Variants in LOXL3 observed in about 807,000 individuals in gnomAD.
LOXL3 encodes lysyl oxidase like 3.
A neutral mutation model predicts 91.8 loss-of-function variants in LOXL3; 60 were observed. The ratio of observed to expected loss-of-function variants is 0.65; its 90% CI spans 0.53 to 0.81. LOXL3 has a LOEUF of 0.81. Ranked by LOEUF, LOXL3 falls within the 30% of genes least tolerant of loss-of-function variation. LOXL3 has a pLI of 0.00. For synonymous variants in LOXL3, 355 were observed against 387.6 expected (o/e 0.92, Z 0.99); for missense variants, 874 against 1,000.4 (o/e 0.87, Z 1.70).
chr2:74,549,461 C>T lies in LOXL3; in HGVS notation c.600G>A (p.Val200=). 2 of 1,613,190 alleles carry T rather than the reference C, an allele frequency of 1.2e-6. No homozygotes were observed. The highest frequency in any genetic ancestry group is 1.7e-6 in the Non-Finnish European group (2 of 1,179,734). Residue 200 remains valine, a synonymous_variant, in exon 4 of 14, where the codon GTG becomes GTA. Coordinates refer to ENST00000264094, the MANE Select transcript of LOXL3 (RefSeq NM_032603.5). The surrounding 1 kb of genome is among the most constrained non-coding windows in gnomAD (Gnocchi z 5.3). ...TGTGGGCGCTCCAGCCTTTGTCGCA[C>T]ACTTGCGACCAGCCGTCAGGAAGCC... ...EVRLPDGWSQ[V]CDKGWSAHNS... is the part of the protein sequence containing the mutation.
chr2:74,540,419 C>CT (rs1676262553), intron 4 of LOXL3, among the ~76,000 whole-genome samples: 1 of 152,146 alleles, frequency 6.6e-6, no homozygotes, highest in South Asian at 2.1e-4. Flanking sequence ...GCTACTGTGT[C>CT]TTTTTTTCCT....
At position 74,549,344 on chromosome 2, in the gene LOXL3, C is replaced by T. The variant is rs1405621109; in HGVS notation, c.692+25G>A. The stretch of plus-strand genomic sequence containing the variant: ...GGGAGCACCCCAATCCCGGCCTGCT[C>T]CGCCCGGCGCCCGCGGCCCCTCACC... On this transcript the variant is annotated intron_variant, in intron 4 of 13. Transcript: ENST00000264094. The surrounding 1 kb of genome is among the most constrained non-coding windows in gnomAD (Gnocchi z 5.3). The T allele has an allele frequency of 6.5e-7, 1 of 1,547,194 alleles. No individual in the cohort carries two copies. Among genetic ancestry groups the T allele is most frequent in the Non-Finnish European group, 8.7e-7 (1 of 1,143,686 alleles).
At position 74,553,868 on chromosome 2, in the gene LOXL3, C is replaced by T. The variant is rs902043197; in HGVS notation, c.-13+8G>A. The stretch of plus-strand genomic sequence containing the variant: ...CATTCCCTCTGCGGTTAGCGTGACT[C>T]CCCCTACCTTGGCCGAGCAGGACCC... On this transcript the variant is annotated splice_region_variant and intron_variant, in intron 1 of 13. Coordinates refer to ENST00000264094, the MANE Select transcript of LOXL3 (RefSeq NM_032603.5). 2.6e-5 allele frequency: 4 copies of T among 152,512 alleles called. No homozygotes were observed. The highest frequency in any genetic ancestry group is 1.3e-4 in the Admixed American group (2 of 15,284). 9.4% of individuals were successfully genotyped at this position (152,512 alleles called of 1,614,324 possible). A position where few individuals can be genotyped will look rare whatever the true frequency, so the allele number is the denominator to read the frequency against.
rs1184168063 is a variant in LOXL3 at position 74,549,103 on chromosome 2, C to A, written c.692+266G>T. On this transcript the variant is annotated intron_variant, in intron 4 of 13. Coordinates refer to ENST00000264094, the MANE Select transcript of LOXL3 (RefSeq NM_032603.5). The surrounding 1 kb of genome is among the most constrained non-coding windows in gnomAD (Gnocchi z 5.3). Reference sequence around the variant, plus strand: ...CGCGAGGCCGGCGCGCGCCCCGGGGCCGAGGAATCCGCCTGCCCGCCCAGG... The same window carrying A: ...CGCGAGGCCGGCGCGCGCCCCGGGGACGAGGAATCCGCCTGCCCGCCCAGG... 5 of 336,482 alleles carry A rather than the reference C, an allele frequency of 1.5e-5. No homozygotes were observed. Among genetic ancestry groups the A allele is most frequent in the Non-Finnish European group, 2.7e-5 (5 of 186,930 alleles). The allele number at this position is 336,482 out of a possible 1,614,324, so 20.8% of individuals were successfully genotyped here. A position where few individuals can be genotyped will look rare whatever the true frequency, so the allele number is the denominator to read the frequency against.
In LOXL3 at chr2:74,532,991, T is replaced by G. The variant is rs1675734432; in HGVS notation, c.*615A>C. On this transcript the variant is annotated 3_prime_UTR_variant, in exon 14 of 14. Coordinates refer to ENST00000264094, the MANE Select transcript of LOXL3 (RefSeq NM_032603.5). Reference sequence around the variant, plus strand: ...CCCCTGAGGTCACAGAATGAATAGATCACCAAGAGTATGAGGCTCCTGCTC... The same window carrying G: ...CCCCTGAGGTCACAGAATGAATAGAGCACCAAGAGTATGAGGCTCCTGCTC... 3 of 1,613,244 alleles carry G rather than the reference T, an allele frequency of 1.9e-6. No homozygotes were observed. The highest frequency in any genetic ancestry group is 2.5e-6 in the Non-Finnish European group (3 of 1,179,582).
chr2:74,548,305 C>T (rs896074116), intron 4 of LOXL3, among the ~76,000 whole-genome samples: 17 of 152,296 alleles, frequency 1.1e-4, no homozygotes, highest in African/African-American at 3.9e-4. Flanking sequence ...AGGTAAACGT[C>T]ACCTATACCT....
At position 74,536,059 on chromosome 2, in the gene LOXL3, A is replaced by G. The variant is rs570963353; in HGVS notation, c.1185T>C (p.Asp395=). ...KCPHKNITAE[D]CSHSQDAGVR... ...CCCCGGCATCCTGGCTATGTGAACA[A>G]TCCTCAGCTGTGATGTTCTTGTGGG... Residue 395 remains aspartate (D), a synonymous_variant, in exon 7 of 14, where the codon GAT becomes GAC. Coordinates refer to ENST00000264094, the MANE Select transcript of LOXL3 (RefSeq NM_032603.5). This position sits in a 1 kb window ranked among gnomAD's most constrained non-coding sequence, Gnocchi z 4.5. 66 of 1,611,972 alleles carry G rather than the reference A, an allele frequency of 4.1e-5. 1 individual carries two copies. In the South Asian group the frequency reaches 6.8e-4, roughly 17 times the overall value.
intron 4 of LOXL3, among the ~76,000 whole-genome samples, chr2:74,538,102 A>G (rs759303768): frequency 9.2e-5 from 14 of 152,348 alleles, no homozygotes; most frequent in East Asian, 1.9e-4. Context: ...GATCCTGAAG[A>G]TCTAAGAGAT....
chr2:74,536,020 T>A lies in LOXL3; in HGVS notation c.1224A>T (p.Leu408=). The change falls in exon 7 of 14, where the codon CTA becomes CTT. Residue 408 remains leucine, a synonymous_variant. Transcript: ENST00000264094. This position sits in a 1 kb window ranked among gnomAD's most constrained non-coding sequence, Gnocchi z 4.5. ...HSQDAGVRCN[L]PYTGAETRIR... ...CCCTGGTCTCTGCCCCAGTGTAAGG[T>A]AGGTTGCACCGGACCCCGGCATCCT... 6.3e-7 allele frequency: 1 copy of A among 1,591,048 alleles called. No individual in the cohort carries two copies. The highest frequency in any genetic ancestry group is 8.6e-7 in the Non-Finnish European group (1 of 1,169,124).
At chr2:74,537,288 T>C (rs1490774680) in intron 4 of LOXL3, among the ~76,000 whole-genome samples, 2 of 152,168 alleles carry the variant, frequency 1.3e-5, no homozygotes, top group Non-Finnish European at 2.9e-5. Context: ...ACCAGGACTT[T>C]CCAGTTGGAA....
chr2:74,546,607 G>A (rs993816923), intron 4 of LOXL3, among the ~76,000 whole-genome samples: 2 of 152,154 alleles, frequency 1.3e-5, no homozygotes, highest in Admixed American at 6.5e-5. Flanking sequence ...TTTATCTAGA[G>A]GTCTGCATAG....
Position 74,532,954 on chromosome 2 carries a change from C to A in LOXL3, c.*652G>T. 6.2e-7 allele frequency: 1 copy of A among 1,613,594 alleles called. No homozygotes were observed. Among genetic ancestry groups the A allele is most frequent in the East Asian group, 2.2e-5 (1 of 44,852 alleles). ...ATCCGGCGGGGACGAGAAACACTGA[C>A]CTTATATGTGACCCCTGAGGTCACA... On this transcript the variant is annotated 3_prime_UTR_variant, in exon 14 of 14. Transcript: ENST00000264094.
At chr2:74,542,761 A>G (rs1676396417) in intron 4 of LOXL3, among the ~76,000 whole-genome samples, 1 of 151,806 alleles carries the variant, frequency 6.6e-6, no homozygotes, top group Non-Finnish European at 1.5e-5. Flanking sequence ...GGTAGCTGGG[A>G]TTACAGGCAC....
At chr2:74,552,785 GC>G in intron 1 of LOXL3, 139 bp from the exon 2 acceptor site, 1 of 733,778 alleles carries the variant, frequency 1.4e-6, no homozygotes, top group Non-Finnish European at 2.2e-6. Context: ...GAGAGAAAGA[GC>G]CCCAGGGACC....
At position 74,536,520 on chromosome 2, in the gene LOXL3, G is replaced by A. The variant is rs373995364; in HGVS notation, c.913-49C>T. 2.4e-4 allele frequency: 381 copies of A among 1,568,102 alleles called. No homozygotes were observed. Among genetic ancestry groups the A allele is most frequent in the Non-Finnish European group, 3.2e-4 (368 of 1,152,924 alleles). ...CAGAGGCAAATGGCAACATCTGCAC[G>A]GAGGGCTAAGCAGACCTGGGAGATG... is the stretch of plus-strand genomic sequence containing the variant. On this transcript the variant is annotated intron_variant, in intron 5 of 13. Transcript: ENST00000264094. The surrounding 1 kb of genome is among the most constrained non-coding windows in gnomAD (Gnocchi z 4.5).
chr2:74,532,865 G>C lies in LOXL3; in HGVS notation c.*741C>G, dbSNP rs781010454. 8.7e-6 allele frequency: 14 copies of C among 1,614,152 alleles called. 1 individual carries two copies. In the South Asian group the frequency reaches 1.4e-4, roughly 16 times the overall value. ...ATGTGATTTTGGCCATTGGGGAGCA[G>C]ATGGTACAAAATGCTGAAGATGTTT... On this transcript the variant is annotated 3_prime_UTR_variant, in exon 14 of 14. Coordinates refer to ENST00000264094, the MANE Select transcript of LOXL3 (RefSeq NM_032603.5).
rs777365100 is a variant in LOXL3 at position 74,532,743 on chromosome 2, G to C, written c.*863C>G. On this transcript the variant is annotated 3_prime_UTR_variant, in exon 14 of 14. Coordinates refer to ENST00000264094, the MANE Select transcript of LOXL3 (RefSeq NM_032603.5). ...AGGGAGAGGCTGCAGTGTGATATGG[G>C]GATGGGCAAGGTGTGCATGTGTCCT... The C allele has an allele frequency of 1.2e-6, 2 of 1,612,336 alleles. No homozygotes were observed. The highest frequency in any genetic ancestry group is 3.3e-5 in the Admixed American group (2 of 60,006).
intron 4 of LOXL3, among the ~76,000 whole-genome samples, chr2:74,547,961 A>G (rs1259482472): frequency 6.6e-6 from 1 of 152,398 alleles, no homozygotes; most frequent in African/African-American, 2.4e-5. Context: ...GATAAGAAAT[A>G]TATAGATAGA....
In LOXL3 at chr2:74,535,701, C is replaced by T. The variant is rs1558618825; in HGVS notation, c.1303G>A (p.Gly435Arg). The change falls in exon 8 of 14, where the codon GGG becomes AGG. Residue 435 changes from glycine to arginine, a missense_variant. Transcript: ENST00000264094. This position sits in a 1 kb window ranked among gnomAD's most constrained non-coding sequence, Gnocchi z 4.2. ...QHEGRVEVQI[G>R]GPGPLRWGLI... is the part of the protein sequence containing the mutation. ...CCCCAGCGAAGGGGCCCAGGTCCCC[C>T]TATTTGCACCTCGACTCGCCCCTCA... The T allele has an allele frequency of 6.2e-7, 1 of 1,604,458 alleles. No homozygotes were observed. Among genetic ancestry groups the T allele is most frequent in the East Asian group, 2.2e-5 (1 of 44,828 alleles).
Sources: gnomAD v4.1 joint callset for allele counts (sites outside exome capture counted in the v4.1 genomes callset) on GRCh38, gnomAD v4.1.1 for gene constraint, Gnocchi (gnomAD v3.1) non-coding constraint, MANE v1.5 for transcripts, NCBI Gene and HGNC (gene_info 2026-07-23, HGNC 2026-07-21) for gene names.